Variants in HHAT observed in about 807,000 individuals in gnomAD.
HHAT encodes the protein hedgehog acyltransferase, also known as protein-cysteine N-palmitoyltransferase HHAT.
HHAT carries 47 observed loss-of-function variants against 70.8 expected under a neutral mutation model. That is an observed-to-expected ratio of 0.66 (90% CI 0.53 to 0.85). HHAT has a LOEUF of 0.85. Among genes scored for constraint, HHAT ranks in the 40% least tolerant of loss-of-function variants. HHAT has a pLI of 0.00. For missense variants in HHAT, 609 were observed against 604.8 expected, an observed-to-expected ratio of 1.01 and a Z score of -0.07; for synonymous variants, 228 against 247.6, an observed-to-expected ratio of 0.92 and a Z score of 0.74.
At chr1:210,506,167 G>T (rs1479158972) in intron 8 of HHAT, among the ~76,000 whole-genome samples, 2 of 152,174 alleles carry the variant, frequency 1.3e-5, no homozygotes, top group Non-Finnish European at 2.9e-5. Flanking sequence ...TAATTTTGAT[G>T]CACTGTGAGG....
intron 1 of HHAT, among the ~76,000 whole-genome samples, chr1:210,330,741 C>T (rs190352526): frequency 6.6e-6 from 1 of 152,118 alleles, no homozygotes; most frequent in Non-Finnish European, 1.5e-5. Context: ...CACCAAGGAC[C>T]GGTTTCATGG....
chr1:210,338,974 T>C (rs1033328670), intron 1 of HHAT, among the ~76,000 whole-genome samples: 1 of 152,016 alleles, frequency 6.6e-6, no homozygotes, highest in African/African-American at 2.4e-5. Flanking sequence ...GTTAGAGCTG[T>C]TTGGAGCTGC....
Position 210,674,737 on chromosome 1 carries a change from G to A in HHAT, c.*358G>A, listed in dbSNP as rs1680860060. The A allele has an allele frequency of 5.4e-6, 1 of 185,606 alleles. No individual in the cohort carries two copies. Among genetic ancestry groups the A allele is most frequent in the Non-Finnish European group, 1.1e-5 (1 of 90,358 alleles). The allele number at this position is 185,606 out of a possible 1,614,324, so 11.5% of individuals were successfully genotyped here. On this transcript the variant is annotated 3_prime_UTR_variant, in exon 12 of 12. Coordinates refer to ENST00000261458, the MANE Select transcript of HHAT (RefSeq NM_018194.6). ...GAATAGAATGTAGTGGAAATTTATTGATTGAGACACAGAAATCCTGATTAG... is the reference window on the plus strand; with the variant it reads ...GAATAGAATGTAGTGGAAATTTATTAATTGAGACACAGAAATCCTGATTAG...
chr1:210,456,988 C>T, intron 7 of HHAT, among the ~76,000 whole-genome samples: 1 of 152,184 alleles, frequency 6.6e-6, no homozygotes, highest in East Asian at 1.9e-4. Flanking sequence ...CCTTCCCCTA[C>T]CAGTCACATT....
intron 8 of HHAT, among the ~76,000 whole-genome samples, chr1:210,480,467 C>T (rs898524448): frequency 1.3e-5 from 2 of 152,190 alleles, no homozygotes; most frequent in African/African-American, 2.4e-5. Context: ...AGACATGGAG[C>T]TGCAGCTATT....
chr1:210,515,720 T>C (rs1572967338), intron 9 of HHAT, among the ~76,000 whole-genome samples: 1 of 138,276 alleles, frequency 7.2e-6, no homozygotes, highest in East Asian at 2.1e-4. Flanking sequence ...ATTGCGCCAC[T>C]GCACTCCAGC....
intron 7 of HHAT, among the ~76,000 whole-genome samples, chr1:210,445,137 C>T (rs2093609156): frequency 6.6e-6 from 1 of 152,270 alleles, no homozygotes; most frequent in Non-Finnish European, 1.5e-5. Context: ...TGTGCCCAAC[C>T]AACACACAAA....
upstream of HHAT, chr1:210,328,840 G>C (rs12143851): frequency 1.4e-5 from 6 of 417,584 alleles, no homozygotes; most frequent in Non-Finnish European, 2.4e-5. Flanking sequence ...GCAGCAGCAC[G>C]GCCTGCTCGC....
At chr1:210,587,322 G>A (rs1242644850) in intron 9 of HHAT, among the ~76,000 whole-genome samples, 2 of 152,360 alleles carry the variant, frequency 1.3e-5, no homozygotes, top group South Asian at 4.1e-4. Context: ...CCAGGCCGGA[G>A]AGCATGTGCA....
At chr1:210,512,075 G>A (rs1013935417) in intron 8 of HHAT, among the ~76,000 whole-genome samples, 2 of 152,166 alleles carry the variant, frequency 1.3e-5, no homozygotes, top group African/African-American at 4.8e-5. Context: ...CAGTTTCGTG[G>A]TGTCAGGAAA....
intron 11 of HHAT, among the ~76,000 whole-genome samples, chr1:210,671,529 G>C (rs1680079787): frequency 6.6e-6 from 1 of 152,162 alleles, no homozygotes; most frequent in Admixed American, 6.5e-5. Context: ...AACTTGTCAG[G>C]CATCTTGAGA....
At chr1:210,557,839 C>A (rs114737721) in intron 9 of HHAT, among the ~76,000 whole-genome samples, 4,468 of 152,216 alleles carry the variant, frequency 0.029, 218 homozygotes, top group African/African-American at 0.098. Flanking sequence ...CAGCCAAACC[C>A]TATCACCTGT....
At chr1:210,644,694 G>A (rs1325761086) in intron 11 of HHAT, among the ~76,000 whole-genome samples, 1 of 151,878 alleles carries the variant, frequency 6.6e-6, no homozygotes, top group African/African-American at 2.4e-5. Context: ...ATTAGTTTGG[G>A]AACTTTTGCA....
At chr1:210,461,372 C>T (rs931185709) in intron 7 of HHAT, among the ~76,000 whole-genome samples, 3 of 152,098 alleles carry the variant, frequency 2.0e-5, no homozygotes, top group Non-Finnish European at 4.4e-5. Flanking sequence ...GATCTTGGCT[C>T]GCTGCAATCT....
chr1:210,450,357 G>A (rs114733540), intron 7 of HHAT, among the ~76,000 whole-genome samples: 2,288 of 152,122 alleles, frequency 0.015, 65 homozygotes, highest in African/African-American at 0.053. Context: ...GCCAACTGGG[G>A]AAAATGTATG....
chr1:210,496,605 G>T (rs77007662), intron 8 of HHAT, among the ~76,000 whole-genome samples: 11,538 of 152,180 alleles, frequency 0.076, 599 homozygotes, highest in Non-Finnish European at 0.11. Flanking sequence ...TTAAATGTGG[G>T]TCATGTGAGA....
chr1:210,527,625 C>T (rs1470945536), intron 9 of HHAT, among the ~76,000 whole-genome samples: 3 of 152,118 alleles, frequency 2.0e-5, no homozygotes, highest in Non-Finnish European at 4.4e-5. Context: ...ATGAGTGATT[C>T]TGCTTTTGCT....
At chr1:210,595,036 A>T (rs962986743) in intron 10 of HHAT, among the ~76,000 whole-genome samples, 2 of 151,964 alleles carry the variant, frequency 1.3e-5, no homozygotes, top group Admixed American at 1.3e-4. Context: ...ACATATGTAT[A>T]CATGTGCCAT....
intron 10 of HHAT, among the ~76,000 whole-genome samples, chr1:210,608,995 A>T (rs1666068787): frequency 6.6e-6 from 1 of 152,136 alleles, no homozygotes; most frequent in East Asian, 1.9e-4. Flanking sequence ...GCCCCTTATA[A>T]AACCGTCAGA....
Sources: allele counts gnomAD v4.1 joint callset (sites outside exome capture counted in the v4.1 genomes callset), GRCh38; gene constraint gnomAD v4.1.1; transcripts MANE v1.5; gene names NCBI Gene and HGNC (gene_info 2026-07-23, HGNC 2026-07-21).